Variants in DIP2C observed in about 807,000 individuals in gnomAD.
DIP2C encodes disco-interacting protein 2 homolog C.
A neutral mutation model predicts 192.4 loss-of-function variants in DIP2C; 33 were observed. The observed-to-expected ratio is 0.17, with a 90% CI of 0.13 to 0.23. The LOEUF (loss-of-function observed/expected upper bound fraction) is 0.23, where lower values mean the gene tolerates loss of function less well. Among genes scored for constraint, DIP2C ranks in the 10% least tolerant of loss-of-function variants. DIP2C has a pLI of 1.00. For synonymous variants in DIP2C, 979 were observed against 864.1 expected (o/e 1.13, Z -2.33); for missense variants, 1,537 against 2,110.1 (o/e 0.73, Z 5.32).
At chr10:578,947 G>A (rs1025197397) in intron 1 of DIP2C, among the ~76,000 whole-genome samples, 20 of 152,188 alleles carry the variant, frequency 1.3e-4, no homozygotes, top group African/African-American at 3.9e-4. Flanking sequence ...ATGTGTACGT[G>A]CATAGAGCAT....
At chr10:421,698 C>T (rs572640385) in intron 5 of DIP2C, among the ~76,000 whole-genome samples, 18 of 152,208 alleles carry the variant, frequency 1.2e-4, no homozygotes, top group Non-Finnish European at 2.1e-4. Flanking sequence ...TTTCTATTTT[C>T]TCCTTTATAC....
intron 3 of DIP2C, among the ~76,000 whole-genome samples, chr10:471,309 G>A (rs1970608395): frequency 6.6e-6 from 1 of 152,140 alleles, no homozygotes; most frequent in Non-Finnish European, 1.5e-5. Context: ...CAGGAGGCCA[G>A]GCAGACGGCA....
At chr10:326,877 G>A (rs1015807124) in intron 31 of DIP2C, 129 bp downstream of exon 31, 20 of 1,132,384 alleles carry the variant, frequency 1.8e-5, no homozygotes, top group African/African-American at 1.1e-4. Flanking sequence ...AACCGCATGC[G>A]TGTGACTGAA....
At chr10:455,952 G>A (rs75239982) in intron 3 of DIP2C, among the ~76,000 whole-genome samples, 8 of 23,558 alleles carry the variant, frequency 3.4e-4, no homozygotes, top group African/African-American at 2.3e-3. Flanking sequence ...CTGAGGGGAG[G>A]CCGTGAGGAG....
chr10:539,032 G>A (rs1294167435), intron 1 of DIP2C, among the ~76,000 whole-genome samples: 1 of 151,954 alleles, frequency 6.6e-6, no homozygotes, highest in Non-Finnish European at 1.5e-5. Context: ...TGAGTTTTGT[G>A]AATCTGTTCT....
chr10:293,337 C>T (rs1486105821), intron 32 of DIP2C, among the ~76,000 whole-genome samples: 4 of 152,220 alleles, frequency 2.6e-5, no homozygotes, highest in Non-Finnish European at 5.9e-5. Flanking sequence ...CAGGGAAACC[C>T]GGTCATGGAA....
rs375985855 is a variant in DIP2C at position 320,365 on chromosome 10, C to T, written c.3924+6641G>A. 2.1e-3 allele frequency among the ~76,000 whole-genome samples: 312 copies of T among 151,834 alleles called. 1 individual carries two copies. Among genetic ancestry groups the T allele is most frequent in the African/African-American group, 7.1e-3 (292 of 41,410 alleles). ...CCTGCTAAATATACAAAAATTAGCT[C>T]GGCGAGGTGGCAGGTGCCTGTAATA... On this transcript the variant is annotated intron_variant, in intron 31 of 36. Transcript: ENST00000280886.
intron 13 of DIP2C, among the ~76,000 whole-genome samples, chr10:389,459 C>T (rs1216288081): frequency 1.3e-5 from 2 of 152,194 alleles, no homozygotes; most frequent in East Asian, 1.9e-4. Flanking sequence ...ACATCACGAG[C>T]ACCAATGCAG....
At position 277,517 on chromosome 10, in the gene DIP2C, T is replaced by G; in HGVS notation, c.4479A>C (p.Gln1493His). 1.9e-6 allele frequency: 3 copies of G among 1,614,186 alleles called. No homozygotes were observed. Among genetic ancestry groups the G allele is most frequent in the Non-Finnish European group, 2.5e-6 (3 of 1,180,034 alleles). The change falls in exon 37 of 37, where the codon CAA becomes CAC. Residue 1493 changes from glutamine to histidine, a missense_variant. This residue lies in a region of DIP2C where 341 missense variants were observed against 551.7 expected (regional missense o/e 0.62). Coordinates refer to ENST00000280886, the MANE Select transcript of DIP2C (RefSeq NM_014974.3). ...VVVVELDGSE[Q>H]EALDLVPLVT... ...CCAAGGGAACCAGGTCCAAGGCTTC[T>G]TGTTCCGACCCATCCAGCTCAACCA...
chr10:565,317 A>AGT (rs1177774644), intron 1 of DIP2C, among the ~76,000 whole-genome samples: 1 of 150,940 alleles, frequency 6.6e-6, no homozygotes, highest in East Asian at 1.9e-4. Flanking sequence ...TGAGGAAACC[A>AGT]TGTGACTCCT....
At chr10:437,341 G>A (rs1967345834) in intron 4 of DIP2C, among the ~76,000 whole-genome samples, 1 of 149,010 alleles carries the variant, frequency 6.7e-6, no homozygotes, top group East Asian at 2.0e-4. Flanking sequence ...ACATGGTAGG[G>A]TGGCCATGCT....
intron 29 of DIP2C, among the ~76,000 whole-genome samples, chr10:338,825 C>T (rs1393044534): frequency 6.6e-6 from 1 of 150,830 alleles, no homozygotes; most frequent in Non-Finnish European, 1.5e-5. Context: ...ACAGCCCACG[C>T]CACCTGCACG....
At chr10:383,602 A>C (rs1056713212) in intron 16 of DIP2C, among the ~76,000 whole-genome samples, 2 of 152,234 alleles carry the variant, frequency 1.3e-5, no homozygotes, top group Non-Finnish European at 2.9e-5. Flanking sequence ...ACTACTATAC[A>C]CCAAAAAGTA....
chr10:299,901 G>A (rs76850808), intron 32 of DIP2C, among the ~76,000 whole-genome samples: 33 of 152,292 alleles, frequency 2.2e-4, no homozygotes, highest in South Asian at 1.7e-3. Flanking sequence ...TAGCCAGTGA[G>A]CAAGAGAAGA....
intron 1 of DIP2C, among the ~76,000 whole-genome samples, chr10:588,404 G>A (rs1423313272): frequency 1.3e-5 from 2 of 152,232 alleles, no homozygotes; most frequent in East Asian, 3.8e-4. Flanking sequence ...TGTTAAATTG[G>A]GAGATTCCAT....
chr10:443,170 G>C (rs1010387915), intron 3 of DIP2C, among the ~76,000 whole-genome samples: 3 of 152,188 alleles, frequency 2.0e-5, no homozygotes, highest in African/African-American at 7.2e-5. Flanking sequence ...TTTGGGAGGA[G>C]AGACTGTGAC....
chr10:595,278 C>T (rs1171517804), intron 1 of DIP2C, among the ~76,000 whole-genome samples: 2 of 152,190 alleles, frequency 1.3e-5, no homozygotes, highest in Non-Finnish European at 2.9e-5. Flanking sequence ...ACTTCAGGTT[C>T]TTATTAGTTC....
At chr10:472,626 T>TC (rs953690936) in intron 2 of DIP2C, 77 bp from the exon 3 acceptor site, 1 of 1,288,754 alleles carries the variant, frequency 7.8e-7, no homozygotes, top group Non-Finnish European at 1.1e-6. Flanking sequence ...AATCATGCCC[T>TC]CCATCCCCAC....
intron 1 of DIP2C, among the ~76,000 whole-genome samples, chr10:579,219 G>A (rs1028070155): frequency 1.3e-4 from 19 of 151,820 alleles, no homozygotes; most frequent in African/African-American, 4.1e-4. Flanking sequence ...CACACATCCA[G>A]ATCCATTTAG....
Sources: gnomAD v4.1 joint callset for allele counts (sites outside exome capture counted in the v4.1 genomes callset) on GRCh38, gnomAD v4.1.1 for gene constraint, gnomAD v4.1.1 regional missense constraint, MANE v1.5 for transcripts, NCBI Gene and HGNC (gene_info 2026-07-23, HGNC 2026-07-21) for gene names.